SATB2: variants seen among roughly 807,000 people sequenced by gnomAD.
SATB2 encodes the protein SATB homeobox 2.
SATB2 carries 1 observed loss-of-function variant against 73.4 expected under a neutral mutation model. The observed-to-expected ratio is 0.01, with a 90% confidence interval of 0.00 to 0.06. SATB2 has a LOEUF of 0.06. Ranked by LOEUF, SATB2 falls within the 10% of genes least tolerant of loss-of-function variation. The probability of loss-of-function intolerance (pLI) is 1.00; values close to 1 mark genes in which losing one functional copy is unlikely to be tolerated. For synonymous variants in SATB2, 397 were observed against 367.0 expected, an observed-to-expected ratio of 1.08 and a Z score of -0.93; for missense variants, 459 against 945.8, an observed-to-expected ratio of 0.49 and a Z score of 6.75.
chr2:199,362,038 G>C (rs1689153525), intron 6 of SATB2, among the ~76,000 whole-genome samples: 1 of 152,004 alleles, frequency 6.6e-6, no homozygotes, highest in South Asian at 2.1e-4. Flanking sequence ...CGCCCAGCCA[G>C]GTCCCAACCA....
intron 10 of SATB2, among the ~76,000 whole-genome samples, chr2:199,305,344 TA>T (rs1309698657): frequency 6.0e-5 from 9 of 150,734 alleles, no homozygotes; most frequent in African/African-American, 1.7e-4. Context: ...GAGGGGCCGA[TA>T]GGGGGGTAAA....
At chr2:199,423,030 T>G (rs1180192564) in intron 3 of SATB2, among the ~76,000 whole-genome samples, 1 of 152,210 alleles carries the variant, frequency 6.6e-6, no homozygotes, top group East Asian at 1.9e-4. Context: ...CCAATCATTT[T>G]AGTTTTAATC....
chr2:199,453,979 G>C (rs1692202461), intron 2 of SATB2, among the ~76,000 whole-genome samples: 1 of 152,050 alleles, frequency 6.6e-6, no homozygotes, highest in Admixed American at 6.5e-5. Context: ...TCAAGAGAAA[G>C]TGTCTAAGGC....
At chr2:199,354,698 C>T (rs974154646) in intron 6 of SATB2, among the ~76,000 whole-genome samples, 1 of 152,134 alleles carries the variant, frequency 6.6e-6, no homozygotes, top group Non-Finnish European at 1.5e-5. Flanking sequence ...TCTGAGAAAC[C>T]CAGAGTTCTA....
intron 7 of SATB2, among the ~76,000 whole-genome samples, chr2:199,336,181 A>G (rs142520943): frequency 2.0e-5 from 3 of 152,298 alleles, no homozygotes; most frequent in Admixed American, 1.3e-4. Flanking sequence ...GCTATGCACA[A>G]TCCAAGTCAA....
chr2:199,370,946 CAAA>C (rs67348909), intron 5 of SATB2, among the ~76,000 whole-genome samples: 2 of 69,546 alleles, frequency 2.9e-5, no homozygotes, highest in African/African-American at 5.1e-5. Context: ...ATGAACTGAG[CAAA>C]AAAAAAAAAA....
intron 5 of SATB2, among the ~76,000 whole-genome samples, chr2:199,371,706 A>G (rs1272847213): frequency 6.6e-6 from 1 of 152,198 alleles, no homozygotes. Context: ...GCAACCGCAC[A>G]GTTGGACTGT....
At chr2:199,465,971 C>A (rs2105969751), upstream of SATB2, among the ~76,000 whole-genome samples, 1 of 152,338 alleles carries the variant, frequency 6.6e-6, no homozygotes. Flanking sequence ...CCACCCAAAC[C>A]TGTGCACTCA....
At chr2:199,292,393 C>T (rs1324716435) in intron 10 of SATB2, among the ~76,000 whole-genome samples, 1 of 152,156 alleles carries the variant, frequency 6.6e-6, no homozygotes, top group South Asian at 2.1e-4. Flanking sequence ...TTACTCTCCC[C>T]GAATCTGGGC....
chr2:199,470,975 A>G (rs1030858227), intron 1 of SATB2: 1 of 152,452 alleles, frequency 6.6e-6, no homozygotes, highest in Non-Finnish European at 1.5e-5. Context: ...GAGAAGTCCC[A>G]AAGGCTACAG....
chr2:199,342,533 C>T (rs993509815), intron 7 of SATB2, among the ~76,000 whole-genome samples: 1 of 152,126 alleles, frequency 6.6e-6, no homozygotes, highest in African/African-American at 2.4e-5. Context: ...CAGCCACACC[C>T]TGTGTCTAGA....
chr2:199,364,409 C>A (rs1005710756), intron 6 of SATB2, among the ~76,000 whole-genome samples: 4 of 152,136 alleles, frequency 2.6e-5, no homozygotes, highest in Non-Finnish European at 2.9e-5. Context: ...AGATAAAATA[C>A]TGATTAGTAG....
chr2:199,463,836 G>T lies in SATB2; in HGVS notation c.-141+1000C>A, dbSNP rs1692534468. Among the ~76,000 whole-genome samples the T allele has an allele frequency of 6.6e-6, 1 of 152,226 alleles. No individual in the cohort carries two copies. The highest frequency in any genetic ancestry group is 2.1e-4 in the South Asian group (1 of 4,832). On this transcript the variant is annotated intron_variant, in intron 1 of 11. Coordinates refer to the SATB2 transcript ENST00000260926. This position sits in a 1 kb window ranked among gnomAD's most constrained non-coding sequence, Gnocchi z 6.4. Reference sequence around the variant, plus strand: ...CACCCGGTCCGCACCCCAAATTTCAGGCAGGCCAGCAGGCGTCCAGAAATC... The same window carrying T: ...CACCCGGTCCGCACCCCAAATTTCATGCAGGCCAGCAGGCGTCCAGAAATC...
At chr2:199,330,131 T>C (rs1688145239) in intron 7 of SATB2, among the ~76,000 whole-genome samples, 1 of 152,186 alleles carries the variant, frequency 6.6e-6, no homozygotes, top group African/African-American at 2.4e-5. Context: ...ATCAGATTTC[T>C]AATATGTGGC....
intron 3 of SATB2, among the ~76,000 whole-genome samples, chr2:199,384,506 C>A (rs1689871428): frequency 6.6e-6 from 1 of 152,208 alleles, no homozygotes; most frequent in African/African-American, 2.4e-5. Flanking sequence ...GTCTAACGTA[C>A]TGTGTTAATC....
chr2:199,324,075 G>A, intron 8 of SATB2, 117 bp from the exon 9 acceptor site: 1 of 1,010,702 alleles, frequency 9.9e-7, no homozygotes, highest in Non-Finnish European at 1.6e-6. Context: ...AGCTACAGAG[G>A]GACACTTCCT....
chr2:199,319,944 CCT>C (rs1442787406), intron 9 of SATB2, among the ~76,000 whole-genome samples: 2 of 151,976 alleles, frequency 1.3e-5, no homozygotes, highest in Admixed American at 6.6e-5. Context: ...ACAACCGTCC[CCT>C]GAGAGCCGCA....
chr2:199,379,600 T>C (rs765190088), intron 5 of SATB2, among the ~76,000 whole-genome samples: 10 of 152,038 alleles, frequency 6.6e-5, no homozygotes, highest in Non-Finnish European at 1.2e-4. Flanking sequence ...ATCTATAAAA[T>C]GGAGACACTG....
chr2:199,294,259 G>C (rs1043364681), intron 10 of SATB2, among the ~76,000 whole-genome samples: 27 of 152,132 alleles, frequency 1.8e-4, no homozygotes, highest in African/African-American at 6.0e-4. Flanking sequence ...AATATATAGA[G>C]ATCATCAAAG....
Sources: allele counts gnomAD v4.1 joint callset (sites outside exome capture counted in the v4.1 genomes callset), GRCh38; gene constraint gnomAD v4.1.1; non-coding constraint Gnocchi (gnomAD v3.1); transcripts MANE v1.5; gene names NCBI Gene and HGNC (gene_info 2026-07-23, HGNC 2026-07-21).